Variants in BORCS8 observed in about 807,000 individuals in gnomAD.
BORCS8 encodes BLOC-1-related complex subunit 8.
A neutral mutation model predicts 18.7 loss-of-function variants in BORCS8; 13 were observed. The observed-to-expected ratio is 0.70, with a 90% confidence interval of 0.45 to 1.11. The LOEUF (loss-of-function observed/expected upper bound fraction) is 1.11. BORCS8 is among the 50% of genes least tolerant of loss of function. BORCS8 has a pLI of 0.00. For missense variants in BORCS8, 165 were observed against 165.7 expected, an observed-to-expected ratio of 1.00 and a Z score of 0.02; for synonymous variants, 68 against 64.8, an observed-to-expected ratio of 1.05 and a Z score of -0.24.
rs2060300070 is a variant in BORCS8, at chr19:19,177,431, C to A, written c.*72G>T. On this transcript the variant is annotated 3_prime_UTR_variant, in exon 6 of 6. Transcript: ENST00000462790. ...GATCACGAGCTCAGGAGTTTGAGAC[C>A]AGCCTAGCCAACATGGTGAAACCCC... 1 of 152,102 alleles carries A rather than the reference C, an allele frequency of 6.6e-6. No homozygotes were observed. The highest frequency in any genetic ancestry group is 1.5e-5 in the Non-Finnish European group (1 of 68,230). The allele number at this position is 152,102 out of a possible 1,614,324, so 9.4% of individuals were successfully genotyped here. A position where few individuals can be genotyped will look rare whatever the true frequency, so the allele number is the denominator to read the frequency against.
chr19:19,184,255 GAGGAAGCAGA>G (rs2060383422), intron 3 of BORCS8, among the ~76,000 whole-genome samples: 1 of 151,264 alleles, frequency 6.6e-6, no homozygotes, highest in Non-Finnish European at 1.5e-5. Flanking sequence ...GGCACAGCTA[GAGGAAGCAGA>G]AGAAAGCATA....
intron 5 of BORCS8, chr19:19,177,680 GGAAGGAAGGAA>G (rs1401573735): frequency 1.5e-4 from 12 of 81,702 alleles, no homozygotes; most frequent in African/African-American, 7.6e-4. Flanking sequence ...AAGGAAGGAA[GGAAGGAAGGAA>G]GGAAGAGAAA....
Position 19,182,064 on chromosome 19 carries a change from T to C in BORCS8, c.326+509A>G. On this transcript the variant is annotated intron_variant, in intron 4 of 5. Coordinates refer to ENST00000462790, the MANE Select transcript of BORCS8 (RefSeq NM_001145784.2). The surrounding 1 kb of genome is among the most constrained non-coding windows in gnomAD (Gnocchi z 4.1). ...CAGGGAGAGGCCCCTGCCATCTCCCTGGCCCCATCTCCCCCAGCTGGCCGG... is the reference window on the plus strand; with the variant it reads ...CAGGGAGAGGCCCCTGCCATCTCCCCGGCCCCATCTCCCCCAGCTGGCCGG... 3.0e-6 allele frequency: 3 copies of C among 985,330 alleles called. No homozygotes were observed. Among genetic ancestry groups the C allele is most frequent in the Non-Finnish European group, 3.6e-6 (3 of 829,820 alleles). 61.0% of individuals were successfully genotyped at this position (985,330 alleles called of 1,614,324 possible).
At chr19:19,179,458 C>T (rs1213485082) in intron 5 of BORCS8, 1 of 152,668 alleles carries the variant, frequency 6.6e-6, no homozygotes, top group African/African-American at 2.4e-5. Flanking sequence ...CTACAGTGCC[C>T]ACTAAGTGCT....
rs998324520 is a variant in BORCS8 at position 19,180,705 on chromosome 19, G to A, written c.*23C>T. 3 of 1,549,524 alleles carry A rather than the reference G, an allele frequency of 1.9e-6. No individual in the cohort carries two copies. Among genetic ancestry groups the A allele is most frequent in the Non-Finnish European group, 1.7e-6 (2 of 1,146,194 alleles). ...ACTGACCTGGGTTGGCGGAGGCTGG[G>A]GGGCCCCGAGTCTCTTCCAGGATCA... On this transcript the variant is annotated 3_prime_UTR_variant, in exon 5 of 6. Transcript: ENST00000462790.
At chr19:19,186,006 CCTG>C (rs1001419072) in intron 3 of BORCS8, 25 bp downstream of exon 3, 86 of 1,548,466 alleles carry the variant, frequency 5.6e-5, no homozygotes, top group Non-Finnish European at 7.2e-5. Context: ...AAAAGGTGGC[CCTG>C]CAGCGGGGAG....
At chr19:19,191,045 T>C (rs925386761) in intron 1 of BORCS8, among the ~76,000 whole-genome samples, 5 of 152,128 alleles carry the variant, frequency 3.3e-5, no homozygotes, top group African/African-American at 9.7e-5. Flanking sequence ...GTGAGTAATC[T>C]AGGGTGATTT....
chr19:19,181,352 T>C (rs1195010942), intron 4 of BORCS8, among the ~76,000 whole-genome samples: 1 of 152,114 alleles, frequency 6.6e-6, no homozygotes, highest in South Asian at 2.1e-4. Context: ...GAAATATATA[T>C]GTATGTTTTT....
chr19:19,184,734 G>C (rs1745202034), intron 3 of BORCS8, among the ~76,000 whole-genome samples: 1 of 152,168 alleles, frequency 6.6e-6, no homozygotes, highest in South Asian at 2.1e-4. Context: ...CGAGTAGCTG[G>C]GACTAGAGGT....
At chr19:19,188,335 T>A (rs1473178732) in intron 1 of BORCS8, among the ~76,000 whole-genome samples, 1 of 151,886 alleles carries the variant, frequency 6.6e-6, no homozygotes, top group African/African-American at 2.4e-5. Context: ...GCTCATTTTT[T>A]AAAATAGAGA....
chr19:19,187,096 G>A, intron 1 of BORCS8, 91 bp from the exon 2 acceptor site: 1 of 977,496 alleles, frequency 1.0e-6, no homozygotes, highest in Non-Finnish European at 1.5e-6. Context: ...CAGAGCAAAG[G>A]GGGCATCTGG....
At chr19:19,189,692 G>A (rs2060447263) in intron 1 of BORCS8, among the ~76,000 whole-genome samples, 1 of 152,146 alleles carries the variant, frequency 6.6e-6, no homozygotes, top group Non-Finnish European at 1.5e-5. Flanking sequence ...TTGGCAGGAG[G>A]ATGGATTCAG....
At chr19:19,183,269 G>A (rs1433392042) in intron 3 of BORCS8, among the ~76,000 whole-genome samples, 1 of 152,082 alleles carries the variant, frequency 6.6e-6, no homozygotes, top group Non-Finnish European at 1.5e-5. Flanking sequence ...AATTAGCCGG[G>A]CGTGGTGGCG....
chr19:19,178,107 G>C (rs1244083538), intron 5 of BORCS8: 1 of 152,404 alleles, frequency 6.6e-6, no homozygotes, highest in Admixed American at 6.5e-5. Context: ...GGCTGAGGAT[G>C]AAATGAGATG....
At chr19:19,177,692 GGAAGAGAAAAGAAAAGA>G (rs2060309292) in intron 5 of BORCS8, 1 of 48,894 alleles carries the variant, frequency 2.0e-5, no homozygotes, top group African/African-American at 8.3e-5. Flanking sequence ...AAGGAAGGAA[GGAAGAGAAAAGAAAAGA>G]AAAGAAAAGA....
rs34309983 is a variant in BORCS8 at position 19,180,865 on chromosome 19, C to T, written c.327-104G>A. Reference sequence around the variant, plus strand: ...TTGGGTGATACTCTGGTCTCAAAGACCTCTGGCTTGAGCTTCTGGGGCATC... The same window carrying T: ...TTGGGTGATACTCTGGTCTCAAAGATCTCTGGCTTGAGCTTCTGGGGCATC... On this transcript the variant is annotated intron_variant, in intron 4 of 5. Transcript: ENST00000462790. 2,517 of 1,251,602 alleles carry T rather than the reference C, an allele frequency of 2.0e-3. 3 individuals are homozygous for T. The highest frequency in any genetic ancestry group is 1.8e-3 in the Non-Finnish European group (1,639 of 916,976). 77.5% of individuals were successfully genotyped at this position (1,251,602 alleles called of 1,614,324 possible).
chr19:19,180,357 G>T, intron 5 of BORCS8: 1 of 361,740 alleles, frequency 2.8e-6, no homozygotes, highest in South Asian at 3.1e-5. Flanking sequence ...CAGGCTGCTG[G>T]CACGTGGTAG....
intron 5 of BORCS8, chr19:19,179,721 C>T (rs2060331723): frequency 6.5e-6 from 1 of 152,786 alleles, no homozygotes; most frequent in Admixed American, 6.5e-5. Context: ...TGGCACCACA[C>T]TCTCTAAGCG....
chr19:19,189,746 C>T (rs1179804247), intron 1 of BORCS8, among the ~76,000 whole-genome samples: 1 of 152,174 alleles, frequency 6.6e-6, no homozygotes. Context: ...CGAAACCCCA[C>T]CTCTATAAAA....
Sources: allele counts gnomAD v4.1 joint callset (sites outside exome capture counted in the v4.1 genomes callset), GRCh38; gene constraint gnomAD v4.1.1; non-coding constraint Gnocchi (gnomAD v3.1); transcripts MANE v1.5; gene names NCBI Gene and HGNC (gene_info 2026-07-23, HGNC 2026-07-21).